The following NALF1 variants were observed in gnomAD, a reference collection of about 807,000 sequenced individuals.
NALF1 encodes family with sequence similarity 155 member A.
NALF1 carries 3 observed loss-of-function variants against 48.4 expected under a neutral mutation model. The observed-to-expected ratio is 0.06, with a 90% CI of 0.03 to 0.16. The LOEUF is 0.16. NALF1 is among the 10% of genes least tolerant of loss of function. NALF1 has a pLI of 1.00. For missense variants in NALF1, 526 were observed against 571.5 expected (o/e 0.92, Z 0.81); for synonymous variants, 262 against 245.7 (o/e 1.07, Z -0.62).
chr13:107,600,974 G>A (rs559595116), intron 1 of NALF1, among the ~76,000 whole-genome samples: 1 of 151,966 alleles, frequency 6.6e-6, no homozygotes, highest in Non-Finnish European at 1.5e-5. Context: ...GACAGATGGA[G>A]AGCTGATAAA....
At chr13:107,346,272 T>C (rs906984561) in intron 1 of NALF1, among the ~76,000 whole-genome samples, 3 of 152,184 alleles carry the variant, frequency 2.0e-5, no homozygotes, top group Admixed American at 1.3e-4. Flanking sequence ...ATCCCACTTC[T>C]GGGTATATAT....
intron 1 of NALF1, among the ~76,000 whole-genome samples, chr13:107,708,511 GACAA>G (rs769531213): frequency 0.079 from 11,963 of 151,926 alleles, 541 homozygotes; most frequent in South Asian, 0.14. Flanking sequence ...ATTAATAAAA[GACAA>G]GCTGTAATTA....
intron 1 of NALF1, among the ~76,000 whole-genome samples, chr13:107,326,411 A>G (rs1337356552): frequency 6.6e-6 from 1 of 152,156 alleles, no homozygotes; most frequent in Non-Finnish European, 1.5e-5. Context: ...CAACTTTATT[A>G]ACGATTGACC....
At chr13:107,834,946 C>T (rs953423564) in intron 1 of NALF1, among the ~76,000 whole-genome samples, 1 of 152,140 alleles carries the variant, frequency 6.6e-6, no homozygotes, top group Non-Finnish European at 1.5e-5. Context: ...GGAAAGCTCA[C>T]TCACGGGAGA....
At position 107,173,710 on chromosome 13, in the gene NALF1, C is replaced by G. The variant is rs1457028491; in HGVS notation, c.1088-2924G>C. Among the ~76,000 whole-genome samples the G allele has an allele frequency of 2.6e-5, 4 of 152,162 alleles. No individual in the cohort carries two copies. The East Asian group carries it at 7.7e-4, about 29-fold the overall frequency. On this transcript the variant is annotated intron_variant, in intron 2 of 2. Coordinates refer to ENST00000375915, the MANE Select transcript of NALF1 (RefSeq NM_001080396.3). ...CCTCTAGTGTCTTCAGTAGGAAAAG[C>G]TCATGAGGGCGAATTTCCAAGATGC... is the stretch of plus-strand genomic sequence containing the variant.
intron 1 of NALF1, among the ~76,000 whole-genome samples, chr13:107,411,869 G>A (rs536911054): frequency 6.6e-6 from 1 of 152,214 alleles, no homozygotes; most frequent in East Asian, 1.9e-4. Context: ...AGGACAGCTT[G>A]GATGGATGTC....
At chr13:107,777,780 C>A (rs1468333324) in intron 1 of NALF1, among the ~76,000 whole-genome samples, 3 of 152,024 alleles carry the variant, frequency 2.0e-5, no homozygotes, top group African/African-American at 7.3e-5. Flanking sequence ...CCTTTAAGAA[C>A]AGAAATTTAA....
At chr13:107,831,618 T>C (rs1397150815) in intron 1 of NALF1, among the ~76,000 whole-genome samples, 1 of 152,136 alleles carries the variant, frequency 6.6e-6, no homozygotes, top group Non-Finnish European at 1.5e-5. Context: ...AAGCTTGAAA[T>C]GTAAACATAC....
intron 1 of NALF1, among the ~76,000 whole-genome samples, chr13:107,692,686 T>C (rs1457262226): frequency 3.3e-5 from 5 of 152,096 alleles, no homozygotes; most frequent in African/African-American, 1.2e-4. Context: ...TAAGTAAAAA[T>C]TTTCTCACAA....
Position 107,216,316 on chromosome 13 carries a change from G to A in NALF1, c.916-5561C>T, listed in dbSNP as rs139011534. Among the ~76,000 whole-genome samples the A allele has an allele frequency of 4.1e-3, 618 of 152,284 alleles. 2 individuals carry two copies. Among genetic ancestry groups the A allele is most frequent in the African/African-American group, 0.013 (560 of 41,548 alleles). ...GGTGAAACTCAAAATAAATTTTCAC[G>A]TTCCTATGTCTGAATGTCTGCTTTC... On this transcript the variant is annotated intron_variant, in intron 1 of 2. Transcript: ENST00000375915.
At chr13:107,506,985 T>A (rs1436015866) in intron 1 of NALF1, among the ~76,000 whole-genome samples, 1 of 152,100 alleles carries the variant, frequency 6.6e-6, no homozygotes, top group Non-Finnish European at 1.5e-5. Context: ...ATATTTTTAA[T>A]TATCAGGAAA....
At chr13:107,621,538 A>T (rs1032297774) in intron 1 of NALF1, among the ~76,000 whole-genome samples, 4 of 152,230 alleles carry the variant, frequency 2.6e-5, no homozygotes, top group Non-Finnish European at 4.4e-5. Flanking sequence ...ATCCCAACTT[A>T]ACATGCTACT....
At chr13:107,695,193 CCTATAA>C (rs1431891873) in intron 1 of NALF1, among the ~76,000 whole-genome samples, 1 of 152,028 alleles carries the variant, frequency 6.6e-6, no homozygotes, top group Non-Finnish European at 1.5e-5. Context: ...TGATATAGAA[CCTATAA>C]CTATATTTAA....
intron 1 of NALF1, among the ~76,000 whole-genome samples, chr13:107,637,408 T>G (rs1880008538): frequency 6.6e-6 from 1 of 152,182 alleles, no homozygotes; most frequent in Admixed American, 6.6e-5. Context: ...AATCTACTAC[T>G]ATTTCAAGGT....
At chr13:107,805,768 A>T (rs1265445331) in intron 1 of NALF1, among the ~76,000 whole-genome samples, 1 of 152,212 alleles carries the variant, frequency 6.6e-6, no homozygotes, top group Non-Finnish European at 1.5e-5. Flanking sequence ...GAAGTCTTGA[A>T]TATACATTTT....
At chr13:107,181,186 T>C (rs1017646372) in intron 2 of NALF1, among the ~76,000 whole-genome samples, 1 of 151,602 alleles carries the variant, frequency 6.6e-6, no homozygotes, top group Non-Finnish European at 1.5e-5. Context: ...ACCTATTCTG[T>C]TTGTTAGTGA....
chr13:107,617,527 T>C (rs1262969613), intron 1 of NALF1, among the ~76,000 whole-genome samples: 1 of 152,104 alleles, frequency 6.6e-6, no homozygotes. Context: ...AAAAATCTGT[T>C]CTCAAAAATA....
chr13:107,680,619 T>G (rs199983816), intron 1 of NALF1, among the ~76,000 whole-genome samples: 1 of 105,490 alleles, frequency 9.5e-6, no homozygotes, highest in African/African-American at 2.8e-5. Context: ...CGAGTGAGGG[T>G]GTATGTTTGT....
At chr13:107,252,514 A>G (rs149574890) in intron 1 of NALF1, among the ~76,000 whole-genome samples, 1 of 152,000 alleles carries the variant, frequency 6.6e-6, no homozygotes, top group African/African-American at 2.4e-5. Flanking sequence ...AAGGGGAAAA[A>G]GAAAGAAGGA....
Sources: gnomAD v4.1 joint callset for allele counts (sites outside exome capture counted in the v4.1 genomes callset) on GRCh38, gnomAD v4.1.1 for gene constraint, MANE v1.5 for transcripts, NCBI Gene and HGNC (gene_info 2026-07-23, HGNC 2026-07-21) for gene names.